RBFOX1: variants seen among roughly 807,000 people sequenced by gnomAD.
RBFOX1 encodes RNA binding fox-1 homolog 1.
RBFOX1 carries 8 observed loss-of-function variants against 57.7 expected under a neutral mutation model. That is an observed-to-expected ratio of 0.14 (90% CI 0.08 to 0.25). The LOEUF is 0.25. Ranked by LOEUF, RBFOX1 falls within the 10% of genes least tolerant of loss-of-function variation. The pLI is 1.00. For synonymous variants in RBFOX1, 326 were observed against 222.4 expected (o/e 1.47, Z -4.15); for missense variants, 611 against 548.5 (o/e 1.11, Z -1.14).
intron 3 of RBFOX1, among the ~76,000 whole-genome samples, chr16:6,949,693 T>G (rs2080293434): frequency 6.6e-6 from 1 of 152,160 alleles, no homozygotes; most frequent in African/African-American, 2.4e-5. Context: ...AATTACCTCC[T>G]TCTAGGTCCT....
chr16:6,656,366 A>C (rs2098651733), intron 3 of RBFOX1, among the ~76,000 whole-genome samples: 1 of 152,154 alleles, frequency 6.6e-6, no homozygotes. Flanking sequence ...ATGCTGTTAG[A>C]ACAACCTGAG....
chr16:6,806,834 A>ATTTTT (rs1309354557), intron 3 of RBFOX1, among the ~76,000 whole-genome samples: 1 of 74,182 alleles, frequency 1.3e-5, no homozygotes, highest in African/African-American at 4.8e-5. Context: ...ATATATATAT[A>ATTTTT]TATTTTTTTT....
chr16:6,055,678 C>CA (rs926155601), intron 1 of RBFOX1, among the ~76,000 whole-genome samples: 9 of 147,922 alleles, frequency 6.1e-5, no homozygotes, highest in African/African-American at 1.8e-4. Context: ...AGAAGCGAGA[C>CA]AAAAAAAAGT....
At chr16:7,108,140 T>C (rs1223924109) in intron 4 of RBFOX1, among the ~76,000 whole-genome samples, 1 of 152,094 alleles carries the variant, frequency 6.6e-6, no homozygotes, top group Non-Finnish European at 1.5e-5. Flanking sequence ...TAAAACAAAA[T>C]ACATTTCAGG....
At chr16:7,188,846 T>C (rs2084591327) in intron 4 of RBFOX1, among the ~76,000 whole-genome samples, 1 of 152,088 alleles carries the variant, frequency 6.6e-6, no homozygotes, top group Admixed American at 6.6e-5. Flanking sequence ...AATGCAAATT[T>C]TGGAGTTGGA....
chr16:5,776,167 G>A (rs564785078), intron 3 of RBFOX1, among the ~76,000 whole-genome samples: 1 of 152,144 alleles, frequency 6.6e-6, no homozygotes, highest in Non-Finnish European at 1.5e-5. Context: ...TTATGGTTTC[G>A]TTTCACTGTG....
In RBFOX1 at chr16:7,653,867, G is replaced by A. The variant is rs1048084717; in HGVS notation, c.810G>A (p.Ala270=). 5.0e-6 allele frequency: 8 copies of A among 1,604,576 alleles called. No homozygotes were observed. Among genetic ancestry groups the A allele is most frequent in the African/African-American group, 1.3e-5 (1 of 75,014 alleles). The change falls in exon 12 of 16, where the codon GCG becomes GCA. Residue 270 remains alanine (A), a synonymous_variant. Coordinates refer to ENST00000550418, the MANE Select transcript of RBFOX1 (RefSeq NM_018723.4). ...CCGCCGCGGCCGCCTACCGAGGGGC[G>A]CACCTGCGAGGCCGCGGTCGCACCG... ...AATAAAAYRG[A]HLRGRGRTVY...
Position 6,174,465 on chromosome 16 carries a change from C to T in RBFOX1, c.-126-142530C>T, listed in dbSNP as rs117573617. Among the ~76,000 whole-genome samples, 107 of 152,166 alleles carry T rather than the reference C, an allele frequency of 7.0e-4. 1 individual carries two copies. The East Asian group carries it at 0.019, about 27-fold the overall frequency. On this transcript the variant is annotated intron_variant, in intron 1 of 15. Transcript: ENST00000550418. ...CAAAAGTTAGCTGGGCATGGAGGTG[C>T]GTGCCTGTAGTCCCAACTATTGGGG...
At chr16:5,791,772 A>C (rs147197780) in intron 3 of RBFOX1, among the ~76,000 whole-genome samples, 3 of 152,266 alleles carry the variant, frequency 2.0e-5, no homozygotes, top group Non-Finnish European at 4.4e-5. Flanking sequence ...TAAGCAATGC[A>C]ATAAGCATAT....
At chr16:6,969,542 C>G (rs144267323) in intron 3 of RBFOX1, among the ~76,000 whole-genome samples, 146 of 151,816 alleles carry the variant, frequency 9.6e-4, no homozygotes, top group African/African-American at 3.4e-3. Flanking sequence ...TGAGACCACA[C>G]TGGGCAACAA....
chr16:7,502,590 G>GT (rs977664336), intron 4 of RBFOX1, among the ~76,000 whole-genome samples: 2 of 151,866 alleles, frequency 1.3e-5, no homozygotes, highest in African/African-American at 2.4e-5. Flanking sequence ...TTGTTTGTTT[G>GT]TTTGTTTTGT....
chr16:6,720,608 C>G (rs766455518), intron 3 of RBFOX1, among the ~76,000 whole-genome samples: 1 of 152,062 alleles, frequency 6.6e-6, no homozygotes, highest in South Asian at 2.1e-4. Context: ...GAGAGGGGTG[C>G]TGCTGGAGAA....
At chr16:7,089,092 C>G (rs189698346) in intron 4 of RBFOX1, among the ~76,000 whole-genome samples, 214 of 152,284 alleles carry the variant, frequency 1.4e-3, no homozygotes, top group African/African-American at 4.9e-3. Flanking sequence ...TGCCCCCTTT[C>G]TTTGGGACAT....
chr16:6,519,938 T>A (rs560440635), intron 2 of RBFOX1, among the ~76,000 whole-genome samples: 1 of 152,190 alleles, frequency 6.6e-6, no homozygotes, highest in Non-Finnish European at 1.5e-5. Context: ...CCTTCTGCAA[T>A]GACTGAGCAG....
chr16:7,106,638 C>G (rs1170164481), intron 4 of RBFOX1, among the ~76,000 whole-genome samples: 2 of 151,984 alleles, frequency 1.3e-5, no homozygotes, highest in Non-Finnish European at 1.5e-5. Context: ...AATTTTATTT[C>G]TTGTGTAATG....
intron 3 of RBFOX1, among the ~76,000 whole-genome samples, chr16:6,759,994 G>A (rs572316559): frequency 2.0e-5 from 3 of 152,168 alleles, no homozygotes; most frequent in East Asian, 1.9e-4. Flanking sequence ...TGAATATGTA[G>A]CCTTCAAGGG....
intron 2 of RBFOX1, among the ~76,000 whole-genome samples, chr16:6,606,857 C>T (rs1366494839): frequency 6.6e-6 from 1 of 152,092 alleles, no homozygotes; most frequent in African/African-American, 2.4e-5. Context: ...ATTTGTATTC[C>T]TTTGGGTATA....
chr16:7,286,075 T>C (rs1685782724), intron 4 of RBFOX1, among the ~76,000 whole-genome samples: 1 of 152,176 alleles, frequency 6.6e-6, no homozygotes, highest in Admixed American at 6.5e-5. Context: ...TAGAACATAA[T>C]TTACCACTCT....
chr16:7,174,670 C>A, intron 4 of RBFOX1, among the ~76,000 whole-genome samples: 1 of 152,134 alleles, frequency 6.6e-6, no homozygotes, highest in East Asian at 1.9e-4. Flanking sequence ...ATCCCAGCTA[C>A]TCGGGAGTCT....
Sources: gnomAD v4.1 joint callset for allele counts (sites outside exome capture counted in the v4.1 genomes callset) on GRCh38, gnomAD v4.1.1 for gene constraint, MANE v1.5 for transcripts, NCBI Gene and HGNC (gene_info 2026-07-23, HGNC 2026-07-21) for gene names.